CFAP210: variants seen among roughly 807,000 people sequenced by gnomAD.
CFAP210 encodes the protein cilia- and flagella- associated protein 210.
the CFAP210 span, among the ~76,000 whole-genome samples, chr2:169,656,266 G>A: frequency 6.6e-6 from 1 of 151,652 alleles, no homozygotes; most frequent in Non-Finnish European, 1.5e-5. Flanking sequence ...CTCCAGCCTG[G>A]GAAACAGAGT....
chr2:169,669,079 TAA>T, the CFAP210 span, among the ~76,000 whole-genome samples: 1 of 151,956 alleles, frequency 6.6e-6, no homozygotes, highest in Non-Finnish European at 1.5e-5. Context: ...AGAGACTAAG[TAA>T]AAGAGTAATA....
the CFAP210 span, among the ~76,000 whole-genome samples, chr2:169,688,492 G>T: frequency 6.6e-6 from 1 of 152,272 alleles, no homozygotes; most frequent in South Asian, 2.1e-4. Flanking sequence ...AAAACTGAAT[G>T]CCCTTAACAG....
the CFAP210 span, among the ~76,000 whole-genome samples, chr2:169,686,064 G>GTGGC: frequency 6.6e-6 from 1 of 152,110 alleles, no homozygotes; most frequent in Non-Finnish European, 1.5e-5. Context: ...CTGGAGTGCA[G>GTGGC]TGGCTATTCA....
the CFAP210 span, chr2:169,662,217 T>A: frequency 2.7e-6 from 4 of 1,503,004 alleles, no homozygotes; most frequent in Non-Finnish European, 3.6e-6. Context: ...ATATTATGTA[T>A]CAATTTTAAA....
At chr2:169,646,872 G>A in the CFAP210 span, among the ~76,000 whole-genome samples, 1 of 151,746 alleles carries the variant, frequency 6.6e-6, no homozygotes, top group African/African-American at 2.4e-5. Context: ...TTCTCATTTT[G>A]TATTCTCTGT....
chr2:169,671,660 G>C, the CFAP210 span, among the ~76,000 whole-genome samples: 2 of 152,158 alleles, frequency 1.3e-5, no homozygotes, highest in Non-Finnish European at 2.9e-5. Context: ...AGTAGAGACA[G>C]GGTTTCACCA....
the CFAP210 span, among the ~76,000 whole-genome samples, chr2:169,682,995 A>C: frequency 6.6e-6 from 1 of 152,158 alleles, no homozygotes; most frequent in African/African-American, 2.4e-5. Flanking sequence ...AGAAGAATGA[A>C]ACAAGTAGAG....
the CFAP210 span, among the ~76,000 whole-genome samples, chr2:169,660,407 C>A: frequency 7.2e-6 from 1 of 139,058 alleles, no homozygotes; most frequent in Non-Finnish European, 1.6e-5. Context: ...AAAAAATCAA[C>A]TTTTCATTTC....
chr2:169,678,879 C>A, the CFAP210 span, among the ~76,000 whole-genome samples: 3 of 151,748 alleles, frequency 2.0e-5, no homozygotes, highest in Admixed American at 2.0e-4. Context: ...TAAGGATGTG[C>A]AAAGGACCTA....
At chr2:169,681,393 A>T in the CFAP210 span, 48 of 677,434 alleles carry the variant, frequency 7.1e-5, no homozygotes, top group Middle Eastern at 4.0e-4. Context: ...GAAAAAAAAA[A>T]TACAAAGCCT....
chr2:169,668,328 G>A, the CFAP210 span, among the ~76,000 whole-genome samples: 2 of 152,274 alleles, frequency 1.3e-5, no homozygotes, highest in East Asian at 3.9e-4. Context: ...TGTCAGGGCT[G>A]GTTTGAGCTT....
At chr2:169,654,222 G>T in the CFAP210 span, 8,561 of 1,556,584 alleles carry the variant, frequency 5.5e-3, 471 homozygotes, top group African/African-American at 0.1. Context: ...TTCCTTGGGG[G>T]AAAAATTGTA....
the CFAP210 span, chr2:169,680,919 A>C: frequency 8.8e-7 from 1 of 1,133,956 alleles, no homozygotes; most frequent in Non-Finnish European, 1.3e-6. Flanking sequence ...TTTTACATGT[A>C]AAAAAATTTA....
At chr2:169,673,830 T>C in the CFAP210 span, among the ~76,000 whole-genome samples, 3 of 152,286 alleles carry the variant, frequency 2.0e-5, no homozygotes, top group Admixed American at 2.0e-4. Flanking sequence ...AGCTATACTT[T>C]TTAAAAGGTG....
At chr2:169,667,236 T>C in the CFAP210 span, among the ~76,000 whole-genome samples, 1 of 151,436 alleles carries the variant, frequency 6.6e-6, no homozygotes, top group African/African-American at 2.4e-5. Context: ...CCCCCCGGGT[T>C]CAAGAGATTC....
chr2:169,687,732 G>C, the CFAP210 span, among the ~76,000 whole-genome samples: 1 of 152,174 alleles, frequency 6.6e-6, no homozygotes, highest in Admixed American at 6.5e-5. Context: ...CACCATGCTG[G>C]GGTCTGAAGG....
chr2:169,681,318 A>G, the CFAP210 span: 2 of 960,398 alleles, frequency 2.1e-6, no homozygotes, highest in African/African-American at 3.3e-5. Context: ...TATTGGCATG[A>G]TAACTGGAAA....
At chr2:169,664,713 C>T in the CFAP210 span, among the ~76,000 whole-genome samples, 1 of 152,224 alleles carries the variant, frequency 6.6e-6, no homozygotes, top group African/African-American at 2.4e-5. Context: ...AAAACTCTTT[C>T]CTGCTGATTC....
the CFAP210 span, among the ~76,000 whole-genome samples, chr2:169,656,467 G>T: frequency 6.6e-6 from 1 of 150,666 alleles, no homozygotes; most frequent in Non-Finnish European, 1.5e-5. Flanking sequence ...AGAGAAGGAG[G>T]AGGAGGAGAA....
Sources: gnomAD v4.1 joint callset for allele counts (sites outside exome capture counted in the v4.1 genomes callset) on GRCh38, gnomAD v4.1.1 for gene constraint, MANE v1.5 for transcripts, NCBI Gene and HGNC (gene_info 2026-07-23, HGNC 2026-07-21) for gene names.